Variants in OMA1 observed in about 807,000 individuals in gnomAD.
OMA1 encodes the protein metalloendopeptidase OMA1, mitochondrial.
Under a neutral mutation model 30.9 loss-of-function variants are expected in OMA1, and 38 were observed. The observed-to-expected ratio is 1.23, with a 90% CI of 0.95 to 1.61. The LOEUF is 1.61. OMA1 is among the 40% of genes most tolerant of loss of function. The probability of loss-of-function intolerance (pLI) is 0.00; values close to 1 mark genes in which losing one functional copy is unlikely to be tolerated. For missense variants in OMA1, 461 were observed against 349.2 expected (o/e 1.32, Z -2.55); for synonymous variants, 173 against 121.9 (o/e 1.42, Z -2.76).
At chr1:58,545,509 GA>G (rs36121307) in intron 1 of OMA1, among the ~76,000 whole-genome samples, 98,358 of 150,684 alleles carry the variant, frequency 0.65, 33,963 homozygotes, top group East Asian at 0.94. Context: ...GAGCACATAA[GA>G]AAAAAAAAAA....
In OMA1 at chr1:58,520,987, A is replaced by G. The variant is rs189269285; in HGVS notation, c.1215+6274T>C. ...TGACATCCACAGAACACCACCCGCA[A>G]TGGCAGGATCCACTTTCAAGTGCAC... On this transcript the variant is annotated intron_variant, in intron 7 of 8. Coordinates refer to ENST00000371226, the MANE Select transcript of OMA1 (RefSeq NM_145243.5). Among the ~76,000 whole-genome samples, 3 of 152,306 alleles carry G rather than the reference A, an allele frequency of 2.0e-5. No individual in the cohort carries two copies. In the East Asian group the frequency reaches 5.8e-4, roughly 29 times the overall value.
chr1:58,534,428 T>G (rs969463287), intron 3 of OMA1, 97 bp from the exon 4 acceptor site: 2 of 604,030 alleles, frequency 3.3e-6, no homozygotes, highest in African/African-American at 1.9e-5. Context: ...ATTGAACATT[T>G]TAAGTTTTAA....
At chr1:58,490,591 ATG>A (rs1645663648) in intron 8 of OMA1, among the ~76,000 whole-genome samples, 6 of 152,094 alleles carry the variant, frequency 3.9e-5, no homozygotes, top group African/African-American at 1.4e-4. Context: ...AATACAGAGA[ATG>A]CCACAAAGAT....
chr1:58,499,509 A>ATAGATAG (rs776144705), intron 8 of OMA1, among the ~76,000 whole-genome samples: 854 of 42,896 alleles, frequency 0.02, 4 homozygotes, highest in Middle Eastern at 0.029. Flanking sequence ...TAGATAGATA[A>ATAGATAG]ATAGATAGAT....
chr1:58,521,436 AT>A (rs1368264358), intron 7 of OMA1, among the ~76,000 whole-genome samples: 6 of 152,044 alleles, frequency 3.9e-5, no homozygotes, highest in African/African-American at 1.4e-4. Context: ...ATGAAAAAAA[AT>A]GGTAACTGAC....
At chr1:58,485,035 T>C (rs1421327212) in intron 8 of OMA1, among the ~76,000 whole-genome samples, 3 of 151,940 alleles carry the variant, frequency 2.0e-5, no homozygotes, top group Non-Finnish European at 2.9e-5. Context: ...GAGTAAACCC[T>C]AATGGACTTT....
chr1:58,513,394 T>C (rs1646111657), intron 7 of OMA1, among the ~76,000 whole-genome samples: 1 of 152,092 alleles, frequency 6.6e-6, no homozygotes, highest in Non-Finnish European at 1.5e-5. Flanking sequence ...ACTGTGAAAA[T>C]GGACTAATAC....
rs781626330 is a variant in OMA1, at chr1:58,512,713, TAGAGA to T, written c.1216-6509_1216-6505del. ...ATCTAAAGTAGCAAGCTTGTAGAAG[TAGAGA>T]ATAGAATAGTGTTTGTCAGGGAGTG... On this transcript the variant is annotated intron_variant, in intron 7 of 8. Transcript: ENST00000371226. Among the ~76,000 whole-genome samples, 249 of 152,172 alleles carry T rather than the reference TAGAGA, an allele frequency of 1.6e-3. 1 individual carries two copies. The highest frequency in any genetic ancestry group is 6.3e-3 in the Admixed American group (96 of 15,292).
At chr1:58,540,039 C>T (rs1646581578) in intron 1 of OMA1, among the ~76,000 whole-genome samples, 1 of 152,054 alleles carries the variant, frequency 6.6e-6, no homozygotes, top group African/African-American at 2.4e-5. Flanking sequence ...GGGAAAGGGC[C>T]ACCTGAAAAG....
chr1:58,501,223 T>C (rs1215064786), intron 8 of OMA1, among the ~76,000 whole-genome samples: 2 of 152,234 alleles, frequency 1.3e-5, no homozygotes, highest in Admixed American at 1.3e-4. Context: ...ATGTTTTATC[T>C]TGAAATTCAC....
chr1:58,535,447 T>C (rs1646501336), intron 3 of OMA1, among the ~76,000 whole-genome samples: 1 of 151,842 alleles, frequency 6.6e-6, no homozygotes, highest in East Asian at 1.9e-4. Context: ...AATACAAAAA[T>C]TGGCCAGGCG....
chr1:58,541,981 G>T (rs979750630), intron 1 of OMA1, among the ~76,000 whole-genome samples: 8 of 152,098 alleles, frequency 5.3e-5, no homozygotes, highest in Non-Finnish European at 1.2e-4. Context: ...TTCAACCTAA[G>T]CTAATACGAT....
chr1:58,541,361 C>T (rs1646611818), intron 1 of OMA1: 1 of 133,188 alleles, frequency 7.5e-6, no homozygotes, highest in South Asian at 2.5e-4. Flanking sequence ...AGTACATACT[C>T]TGATTACATC....
intron 6 of OMA1, among the ~76,000 whole-genome samples, chr1:58,530,210 G>C (rs1646414080): frequency 1.3e-5 from 2 of 152,134 alleles, no homozygotes; most frequent in Non-Finnish European, 2.9e-5. Context: ...TCAAGGACTT[G>C]AGCATACTCA....
chr1:58,527,513 G>A (rs1438150882), intron 6 of OMA1, among the ~76,000 whole-genome samples, 178 bp from the exon 7 acceptor site: 2 of 152,048 alleles, frequency 1.3e-5, no homozygotes, highest in African/African-American at 4.8e-5. Context: ...TTATTTCCCT[G>A]ATTAGAAATA....
At chr1:58,494,503 T>C (rs1645758889) in intron 8 of OMA1, among the ~76,000 whole-genome samples, 1 of 152,068 alleles carries the variant, frequency 6.6e-6, no homozygotes, top group African/African-American at 2.4e-5. Flanking sequence ...GGGAGAAAAT[T>C]TTTGCAATCT....
chr1:58,495,229 T>C (rs1020578237), intron 8 of OMA1, among the ~76,000 whole-genome samples: 2 of 151,740 alleles, frequency 1.3e-5, no homozygotes, highest in South Asian at 2.1e-4. Context: ...TGAGAACACA[T>C]GGACACAGGA....
intron 7 of OMA1, among the ~76,000 whole-genome samples, chr1:58,513,559 GA>G (rs1256142475): frequency 1.3e-5 from 2 of 152,150 alleles, no homozygotes; most frequent in African/African-American, 4.8e-5. Flanking sequence ...GCTGGCCAGA[GA>G]AACATAAGAA....
At chr1:58,505,382 G>A (rs1184218506) in intron 8 of OMA1, among the ~76,000 whole-genome samples, 8 of 152,192 alleles carry the variant, frequency 5.3e-5, no homozygotes, top group East Asian at 3.9e-4. Context: ...AGCGTGTAAC[G>A]TGGCTCAGAG....
Sources: allele counts gnomAD v4.1 joint callset (sites outside exome capture counted in the v4.1 genomes callset), GRCh38; gene constraint gnomAD v4.1.1; transcripts MANE v1.5; gene names NCBI Gene and HGNC (gene_info 2026-07-23, HGNC 2026-07-21).